The following PPP1R3F variants were observed in gnomAD, a reference collection of about 807,000 sequenced individuals.
PPP1R3F encodes protein phosphatase 1 regulatory subunit 3F.
Under a neutral mutation model 24.2 loss-of-function variants are expected in PPP1R3F, and 29 were observed. The observed-to-expected ratio is 1.20, with a 90% CI of 0.89 to 1.63. The LOEUF is 1.63. PPP1R3F is among the 40% of genes most tolerant of loss of function. The pLI, the probability that PPP1R3F is intolerant of heterozygous loss-of-function variation, is 0.00. For synonymous variants in PPP1R3F, 363 were observed against 340.1 expected (o/e 1.07, Z -0.74); for missense variants, 823 against 729.3 (o/e 1.13, Z -1.48).
chrX:49,291,288 T>TTCTCTC (rs781932322), downstream of PPP1R3F, among the ~76,000 whole-genome samples: 502 of 50,594 alleles, frequency 9.9e-3, 17 homozygotes, highest in African/African-American at 0.018. Context: ...CAGCCTACTT[T>TTCTCTC]TCTCTCTCTC....
intron 3 of PPP1R3F, among the ~76,000 whole-genome samples, chrX:49,282,494 T>TGTGTG: frequency 1.6e-5 from 1 of 63,350 alleles, no homozygotes; most frequent in African/African-American, 5.6e-5. Context: ...TGTGTGTGTG[T>TGTGTG]TGTGGGCGGG....
In PPP1R3F at chrX:49,270,012, T is replaced by C; in HGVS notation, c.143T>C (p.Leu48Pro). 1 of 926,905 alleles carries C rather than the reference T, an allele frequency of 1.1e-6. No individual in the cohort carries two copies. Among genetic ancestry groups the C allele is most frequent in the Non-Finnish European group, 1.3e-6 (1 of 750,439 alleles). 76.4% of individuals were successfully genotyped at this position (926,905 alleles called of 1,213,427 possible). The change falls in exon 1 of 4, where the codon CTG (leucine) becomes CCG (proline). Residue 48 changes from leucine (L) to proline (P), a missense_variant. Transcript: ENST00000055335. ...LFADEALGLP[L>P]AQLRRYRPWG... The stretch of plus-strand genomic sequence containing the variant: ...GCCGACGAGGCCTTGGGGCTGCCGC[T>C]GGCGCAGTTGCGCCGCTACCGGCCG...
intron 1 of PPP1R3F, 105 bp downstream of exon 1, chrX:49,270,978 G>A: frequency 2.4e-6 from 2 of 848,284 alleles, no homozygotes; most frequent in Non-Finnish European, 3.2e-6. Flanking sequence ...AGGACAGGGA[G>A]GAGGGTGCAT....
chrX:49,286,501 C>T lies in PPP1R3F; in HGVS notation c.1811C>T (p.Ser604Phe), dbSNP rs2066285535. 8.3e-7 allele frequency: 1 copy of T among 1,207,930 alleles called. No individual in the cohort carries two copies. Residue 604 changes from serine to phenylalanine, a missense_variant, in exon 4 of 4, where the codon TCC (serine) becomes TTC (phenylalanine). Ser to Phe is a radical substitution (Grantham distance 155). Transcript: ENST00000055335. ...SPKESPPEIL[S>F]GARSVVATMG... is the part of the protein sequence containing the mutation. ...AAGGAATCGCCTCCAGAAATCCTCTCCGGGGCCCGTTCTGTGGTAGCCACG... is the reference window on the plus strand; with the variant it reads ...AAGGAATCGCCTCCAGAAATCCTCTTCGGGGCCCGTTCTGTGGTAGCCACG...
intron 3 of PPP1R3F, among the ~76,000 whole-genome samples, chrX:49,299,196 G>T (rs1557123103): frequency 1.8e-5 from 2 of 111,654 alleles, no homozygotes. Flanking sequence ...TTTCTGTGTG[G>T]ATGTCCTTTT....
chrX:49,273,883 G>GGA (rs2066196258), intron 1 of PPP1R3F: 1 of 112,386 alleles, frequency 8.9e-6, no homozygotes, highest in African/African-American at 3.2e-5. Flanking sequence ...CTGGGTTGCT[G>GGA]GACCAGGCAT....
chrX:49,286,163 C>T lies in PPP1R3F; in HGVS notation c.1473C>T (p.Leu491=). ...EDTIDQELEQ[L]YLSHLSRLRA... ...CCATCGACCAGGAGCTGGAGCAGCT[C>T]TACCTGTCTCACCTGAGCCGCCTAC... The change falls in exon 4 of 4, where the codon CTC becomes CTT. Residue 491 remains leucine, a synonymous_variant. Coordinates refer to ENST00000055335, the MANE Select transcript of PPP1R3F (RefSeq NM_033215.5). The T allele has an allele frequency of 8.4e-7, 1 of 1,191,761 alleles. No homozygotes were observed. The highest frequency in any genetic ancestry group is 1.1e-6 in the Non-Finnish European group (1 of 884,629).
rs73634218 is a variant in PPP1R3F at position 49,287,312 on chromosome X, C to T, written c.*222C>T. 94 of 391,005 alleles carry T rather than the reference C, an allele frequency of 2.4e-4. No individual in the cohort carries two copies. The highest frequency in any genetic ancestry group is 2.3e-3 in the African/African-American group (89 of 38,506). The allele number at this position is 391,005 out of a possible 1,213,427, so 32.2% of individuals were successfully genotyped here. A position where few individuals can be genotyped will look rare whatever the true frequency, so the allele number is the denominator to read the frequency against. ...ACTTTTAGAGTGGAACTGGGCATGT[C>T]CTCCGCCTACCCCCCGAGCCTGTAT... On this transcript the variant is annotated 3_prime_UTR_variant, in exon 4 of 4. Coordinates refer to ENST00000055335, the MANE Select transcript of PPP1R3F (RefSeq NM_033215.5).
Position 49,299,147 on chromosome X carries a change from C to A in PPP1R3F, c.393-2204C>A, listed in dbSNP as rs782079138. ...ATTTTCCTCATCTTTGTGGATTTATCTCCCTTTGGTCTTTGATGTTGGTGA... is the reference window on the plus strand; with the variant it reads ...ATTTTCCTCATCTTTGTGGATTTATATCCCTTTGGTCTTTGATGTTGGTGA... On this transcript the variant is annotated intron_variant, in intron 3 of 3. Transcript: ENST00000471261. Among the ~76,000 whole-genome samples, 103 of 111,837 alleles carry A rather than the reference C, an allele frequency of 9.2e-4. 1 individual carries two copies. Among genetic ancestry groups the A allele is most frequent in the South Asian group, 1.1e-3 (3 of 2,626 alleles).
Position 49,287,996 on chromosome X carries a change from A to G in PPP1R3F, c.*906A>G, listed in dbSNP as rs1424339716. 8.9e-6 allele frequency: 1 copy of G among 112,456 alleles called. No homozygotes were observed. The highest frequency in any genetic ancestry group is 1.9e-5 in the Non-Finnish European group (1 of 53,311). The allele number at this position is 112,456 out of a possible 1,213,427, so 9.3% of individuals were successfully genotyped here. ...GTACTTGGTAGCACAGTTGCTGTCC[A>G]CAGACATCACATTTCTACTAAAAAC... On this transcript the variant is annotated 3_prime_UTR_variant, in exon 4 of 4. Coordinates refer to ENST00000055335, the MANE Select transcript of PPP1R3F (RefSeq NM_033215.5).
At chrX:49,273,948 A>G (rs1602702968) in intron 1 of PPP1R3F, 1 of 112,509 alleles carries the variant, frequency 8.9e-6, no homozygotes, top group Admixed American at 9.3e-5. Flanking sequence ...TTGACTGCCT[A>G]CTGTGTGCTG....
At chrX:49,297,853 T>TTTG (rs2066327874) in intron 3 of PPP1R3F, among the ~76,000 whole-genome samples, 1 of 74,346 alleles carries the variant, frequency 1.3e-5, no homozygotes, top group African/African-American at 4.5e-5. Flanking sequence ...TTTTTTTTTT[T>TTTG]GCTTTCCATT....
At chrX:49,281,354 G>A (rs2066247252) in intron 1 of PPP1R3F, 52 bp from the exon 2 acceptor site, 1 of 1,037,665 alleles carries the variant, frequency 9.6e-7, no homozygotes, top group African/African-American at 1.8e-5. Flanking sequence ...GGTGGCAGAA[G>A]TGACCTCTCA....
chrX:49,282,443 CTGTGTG>C (rs545507997), intron 3 of PPP1R3F, among the ~76,000 whole-genome samples: 16,932 of 73,686 alleles, frequency 0.23, 1,845 homozygotes, highest in Middle Eastern at 0.4. Context: ...GTGAGAGACT[CTGTGTG>C]TGTGTGTGTG....
intron 1 of PPP1R3F, among the ~76,000 whole-genome samples, chrX:49,279,338 G>A (rs782208679): frequency 1.8e-5 from 2 of 112,334 alleles, no homozygotes; most frequent in African/African-American, 6.5e-5. Flanking sequence ...CTATGTATGG[G>A]TCAGATGGTG....
chrX:49,296,205 G>T (rs782732782), intron 3 of PPP1R3F, among the ~76,000 whole-genome samples: 2 of 111,713 alleles, frequency 1.8e-5, no homozygotes, highest in Non-Finnish European at 3.8e-5. Flanking sequence ...ACTTGTTATT[G>T]GTCTATTCAG....
rs371446548 is a variant in PPP1R3F, at chrX:49,285,179, C to G, written c.1144-655C>G. ...GTATGCATCTCCTCAAGCATTTATCCTGTGTGTTACAAACAATCCACTTAC... is the reference window on the plus strand; with the variant it reads ...GTATGCATCTCCTCAAGCATTTATCGTGTGTGTTACAAACAATCCACTTAC... On this transcript the variant is annotated intron_variant, in intron 3 of 3. Transcript: ENST00000055335. 4.5e-5 allele frequency among the ~76,000 whole-genome samples: 5 copies of G among 110,168 alleles called. No individual in the cohort carries two copies. In the East Asian group the frequency reaches 1.4e-3, roughly 31 times the overall value.
At chrX:49,288,700 A>C (rs2066300344), downstream of PPP1R3F, among the ~76,000 whole-genome samples, 1 of 112,451 alleles carries the variant, frequency 8.9e-6, no homozygotes, top group East Asian at 2.8e-4. Context: ...CCAGTGGGGA[A>C]ATGATTGGAT....
At chrX:49,298,707 G>C (rs782360463) in intron 3 of PPP1R3F, among the ~76,000 whole-genome samples, 1 of 110,651 alleles carries the variant, frequency 9.0e-6, no homozygotes. Context: ...GGCTTTGTTC[G>C]TTCCTTTTTA....
Sources: allele counts gnomAD v4.1 joint callset (sites outside exome capture counted in the v4.1 genomes callset), GRCh38; gene constraint gnomAD v4.1.1; transcripts MANE v1.5; gene names NCBI Gene and HGNC (gene_info 2026-07-23, HGNC 2026-07-21).